MIR2052HG: variants seen among roughly 807,000 people sequenced by gnomAD.
The protein encoded by MIR2052HG is MIR2052 host gene.
At chr8:74,671,202 G>A (rs966363663) in intron 2 of MIR2052HG, among the ~76,000 whole-genome samples, 3 of 151,724 alleles carry the variant, frequency 2.0e-5, no homozygotes, top group Non-Finnish European at 4.4e-5. Flanking sequence ...TGTAAGTCTG[G>A]TATTAACTTT....
At chr8:74,691,996 C>T (rs1172288919) in intron 2 of MIR2052HG, among the ~76,000 whole-genome samples, 1 of 152,168 alleles carries the variant, frequency 6.6e-6, no homozygotes. Flanking sequence ...GCCATACAGA[C>T]ATATTCTTGT....
chr8:74,602,880 C>CTTTCTTTT (rs1808042817), intron 1 of MIR2052HG, among the ~76,000 whole-genome samples: 1 of 13,542 alleles, frequency 7.4e-5, no homozygotes, highest in African/African-American at 5.1e-4. Flanking sequence ...TTTCTTTTTT[C>CTTTCTTTT]TATTCACAAA....
At chr8:74,699,032 G>C (rs757824669) in intron 2 of MIR2052HG, among the ~76,000 whole-genome samples, 10 of 152,090 alleles carry the variant, frequency 6.6e-5, no homozygotes, top group Non-Finnish European at 1.3e-4. Flanking sequence ...AATGAGCAGG[G>C]AAATGCAAAT....
chr8:74,612,776 T>G, intron 1 of MIR2052HG: 1 of 403,346 alleles, frequency 2.5e-6, no homozygotes, highest in South Asian at 1.8e-5. Context: ...TATTTTTCTT[T>G]CTTCATGTGA....
intron 1 of MIR2052HG, among the ~76,000 whole-genome samples, chr8:74,610,537 T>A (rs535001707): frequency 4.4e-4 from 67 of 151,676 alleles, no homozygotes; most frequent in African/African-American, 1.5e-3. Context: ...CCACTGAGAA[T>A]AGCCAAAAAA....
intron 5 of MIR2052HG, among the ~76,000 whole-genome samples, chr8:74,755,557 T>C (rs1809990903): frequency 1.3e-5 from 2 of 152,314 alleles, no homozygotes; most frequent in South Asian, 4.1e-4. Flanking sequence ...CATCAAACAG[T>C]TAATGAAGTT....
intron 2 of MIR2052HG, among the ~76,000 whole-genome samples, chr8:74,683,048 A>C (rs1026301449): frequency 2.0e-5 from 3 of 152,174 alleles, no homozygotes; most frequent in African/African-American, 7.2e-5. Flanking sequence ...GTGTTCAGAT[A>C]TACATATGCA....
intron 2 of MIR2052HG, among the ~76,000 whole-genome samples, chr8:74,666,109 CA>C (rs1240181700): frequency 6.6e-6 from 1 of 152,168 alleles, no homozygotes; most frequent in Non-Finnish European, 1.5e-5. Flanking sequence ...TAAATTCATA[CA>C]ACTGTCCCTG....
Position 74,644,650 on chromosome 8 carries a change from G to T in MIR2052HG, n.216+31710G>T, listed in dbSNP as rs142475768. On this transcript the variant is annotated intron_variant and non_coding_transcript_variant, in intron 2 of 6. Coordinates refer to ENST00000523442, the Ensembl canonical transcript of MIR2052HG. ...TCACGCCTACAATCCTAGCACTTTGGGGGGCTGAGGCAGGTGAATTACTTG... is the reference window on the plus strand; with the variant it reads ...TCACGCCTACAATCCTAGCACTTTGTGGGGCTGAGGCAGGTGAATTACTTG... Among the ~76,000 whole-genome samples the T allele has an allele frequency of 2.4e-3, 370 of 152,218 alleles. 1 individual carries two copies. Among genetic ancestry groups the T allele is most frequent in the African/African-American group, 8.2e-3 (341 of 41,522 alleles).
intron 2 of MIR2052HG, among the ~76,000 whole-genome samples, chr8:74,614,107 G>A (rs1425770): frequency 0.64 from 97,913 of 152,012 alleles, 31,715 homozygotes; most frequent in Middle Eastern, 0.74. Flanking sequence ...TTACTCAGTT[G>A]CCTAACATTT....
intron 2 of MIR2052HG, among the ~76,000 whole-genome samples, chr8:74,687,708 A>G (rs189738947): frequency 5.6e-4 from 85 of 152,218 alleles, no homozygotes; most frequent in African/African-American, 2.0e-3. Context: ...TGTTCAATGG[A>G]TGTAAAGCTT....
intron 2 of MIR2052HG, among the ~76,000 whole-genome samples, chr8:74,640,770 C>A (rs1808631210): frequency 1.3e-5 from 2 of 152,180 alleles, no homozygotes; most frequent in Admixed American, 1.3e-4. Flanking sequence ...GCCAGAGTTA[C>A]ATCCAGAAAA....
chr8:74,751,191 G>A (rs897989635), intron 4 of MIR2052HG, among the ~76,000 whole-genome samples: 4 of 152,274 alleles, frequency 2.6e-5, no homozygotes, highest in Non-Finnish European at 1.5e-5. Flanking sequence ...GGGCTTGAAC[G>A]TGGTAACAGT....
At chr8:74,744,432 G>A (rs959575462) in intron 4 of MIR2052HG, among the ~76,000 whole-genome samples, 69 of 151,790 alleles carry the variant, frequency 4.5e-4, no homozygotes, top group Middle Eastern at 3.4e-3. Context: ...CCACTAACTC[G>A]TCATCTAGCA....
At chr8:74,737,978 CTATG>C (rs572233517) in intron 4 of MIR2052HG, among the ~76,000 whole-genome samples, 334 of 151,512 alleles carry the variant, frequency 2.2e-3, no homozygotes, top group South Asian at 7.5e-3. Context: ...TATCTATTAT[CTATG>C]TATGTATGTA....
intron 2 of MIR2052HG, among the ~76,000 whole-genome samples, chr8:74,647,996 A>G (rs1013411442): frequency 3.3e-5 from 5 of 152,142 alleles, no homozygotes; most frequent in African/African-American, 1.2e-4. Flanking sequence ...TGTGTGTTTG[A>G]ACAATATGAA....
At chr8:74,724,980 C>T (rs557669458) in intron 4 of MIR2052HG, among the ~76,000 whole-genome samples, 2 of 152,120 alleles carry the variant, frequency 1.3e-5, no homozygotes, top group South Asian at 2.1e-4. Context: ...CCTGTCTCCC[C>T]GTGAGAATAC....
At chr8:74,728,032 A>G (rs1809654724) in intron 4 of MIR2052HG, among the ~76,000 whole-genome samples, 6 of 152,248 alleles carry the variant, frequency 3.9e-5, no homozygotes, top group Admixed American at 3.9e-4. Context: ...TCTCAATTAC[A>G]GTACTAGGCA....
chr8:74,615,455 A>G (rs768356213), intron 2 of MIR2052HG, among the ~76,000 whole-genome samples: 1 of 152,158 alleles, frequency 6.6e-6, no homozygotes, highest in Non-Finnish European at 1.5e-5. Context: ...GAATCCAGCC[A>G]TGTTCCTTTT....
Sources: allele counts gnomAD v4.1 joint callset (sites outside exome capture counted in the v4.1 genomes callset), GRCh38; gene constraint gnomAD v4.1.1; transcripts MANE v1.5; gene names NCBI Gene and HGNC (gene_info 2026-07-23, HGNC 2026-07-21).